Variants in C16orf96 observed in about 807,000 individuals in gnomAD.
C16orf96 encodes uncharacterized protein C16orf96.
A neutral mutation model predicts 103.6 loss-of-function variants in C16orf96; 108 were observed. The ratio of observed to expected loss-of-function variants is 1.04; its 90% confidence interval spans 0.89 to 1.22. The LOEUF (loss-of-function observed/expected upper bound fraction) is 1.22, where lower values mean the gene tolerates loss of function less well. C16orf96 is among the 50% of genes most tolerant of loss of function. The pLI is 0.00. For missense variants in C16orf96, 1,586 were observed against 1,464.2 expected, an observed-to-expected ratio of 1.08 and a Z score of -1.36; for synonymous variants, 566 against 593.5, an observed-to-expected ratio of 0.95 and a Z score of 0.67.
At chr16:4,560,215 T>G (rs1263059927) in intron 1 of C16orf96, 2 of 151,918 alleles carry the variant, frequency 1.3e-5, no homozygotes, top group African/African-American at 2.4e-5. Flanking sequence ...TATATGTTTG[T>G]TTTTGAGATG....
intron 15 of C16orf96, 109 bp from the exon 16 acceptor site, chr16:4,599,991 A>T: frequency 1.8e-6 from 2 of 1,129,108 alleles, no homozygotes; most frequent in Non-Finnish European, 2.5e-6. Flanking sequence ...CCTGTACAGC[A>T]CTTCTAGTCC....
intron 7 of C16orf96, among the ~76,000 whole-genome samples, chr16:4,582,186 G>T (rs2059596242): frequency 6.6e-6 from 1 of 152,090 alleles, no homozygotes; most frequent in Non-Finnish European, 1.5e-5. Flanking sequence ...GGTGGCTGAG[G>T]CAGGAGAATC....
Position 4,593,483 on chromosome 16 carries a change from G to A in C16orf96, c.2867+167G>A, listed in dbSNP as rs968935919. Among the ~76,000 whole-genome samples the A allele has an allele frequency of 5.3e-5, 8 of 150,932 alleles. No individual in the cohort carries two copies. The highest frequency in any genetic ancestry group is 7.4e-5 in the Non-Finnish European group (5 of 67,796). ...AGGCACTCCGAGAGGTGGCTGGGGC[G>A]GCAGACAGGCCCACGAGATGATGGC... is the stretch of plus-strand genomic sequence containing the variant. On this transcript the variant is annotated intron_variant, in intron 12 of 15. Coordinates refer to ENST00000444310, the MANE Select transcript of C16orf96 (RefSeq NM_001145011.2). The surrounding 1 kb of genome is among the most constrained non-coding windows in gnomAD (Gnocchi z 4.2).
At chr16:4,541,709 G>C in the C16orf96 span, among the ~76,000 whole-genome samples, 2 of 152,154 alleles carry the variant, frequency 1.3e-5, no homozygotes, top group African/African-American at 2.4e-5. Flanking sequence ...CAGAAGTGCT[G>C]TCTAGCATTC....
chr16:4,588,008 C>T (rs533668371), intron 8 of C16orf96, among the ~76,000 whole-genome samples, 159 bp from the exon 9 acceptor site: 34 of 152,272 alleles, frequency 2.2e-4, no homozygotes, highest in African/African-American at 7.0e-4. Flanking sequence ...ATCTCGAGAT[C>T]GTGTTTGAAT....
intron 11 of C16orf96, 84 bp downstream of exon 11, chr16:4,592,451 G>A (rs1222040921): frequency 1.6e-5 from 23 of 1,452,160 alleles, no homozygotes; most frequent in Non-Finnish European, 2.0e-5. Flanking sequence ...CATGTGCACC[G>A]TTCCATGCAC....
chr16:4,583,288 G>A (rs776307192), intron 7 of C16orf96, among the ~76,000 whole-genome samples: 4 of 151,850 alleles, frequency 2.6e-5, no homozygotes, highest in Non-Finnish European at 4.4e-5. Context: ...ATCCCTTGAG[G>A]CCAGGACTTC....
chr16:4,594,568 G>A (rs1416775778), intron 13 of C16orf96, 58 bp downstream of exon 13: 3 of 1,543,568 alleles, frequency 1.9e-6, no homozygotes, highest in Non-Finnish European at 2.6e-6. Context: ...CCCAGCCCCA[G>A]GTGTGGGACC....
the C16orf96 span, among the ~76,000 whole-genome samples, chr16:4,547,961 G>T: frequency 6.6e-6 from 1 of 151,918 alleles, no homozygotes; most frequent in Non-Finnish European, 1.5e-5. Context: ...TTAGGGTAAT[G>T]AAATGTTCTA....
intron 14 of C16orf96, among the ~76,000 whole-genome samples, chr16:4,598,886 G>A (rs1031777155): frequency 6.6e-6 from 1 of 152,154 alleles, no homozygotes; most frequent in Admixed American, 6.5e-5. Context: ...GGGAGGTCAA[G>A]GTGGGAGGAT....
chr16:4,542,666 C>T, the C16orf96 span, among the ~76,000 whole-genome samples: 1 of 151,990 alleles, frequency 6.6e-6, no homozygotes, highest in Non-Finnish European at 1.5e-5. Flanking sequence ...GACATGGTGG[C>T]AGGCGCCTGT....
At position 4,575,877 on chromosome 16, in the gene C16orf96, T is replaced by C; in HGVS notation, c.1397T>C (p.Leu466Pro). 6.4e-7 allele frequency: 1 copy of C among 1,551,466 alleles called. No individual in the cohort carries two copies. The highest frequency in any genetic ancestry group is 8.7e-7 in the Non-Finnish European group (1 of 1,146,960). Residue 466 changes from leucine to proline, a missense_variant, in exon 5 of 16, where the codon CTA becomes CCA. Coordinates refer to ENST00000444310, the MANE Select transcript of C16orf96 (RefSeq NM_001145011.2). ...VKGEENDVPS[L>P]RGLRERARKD... ...GGGGAGGAAAATGATGTCCCCAGCC[T>C]AAGGGGCCTTCGGGAGAGGGCCCGC...
intron 9 of C16orf96, among the ~76,000 whole-genome samples, chr16:4,589,218 A>G (rs1897000553): frequency 6.6e-6 from 1 of 152,064 alleles, no homozygotes; most frequent in African/African-American, 2.4e-5. Flanking sequence ...TCCCACATTG[A>G]ATGGGACCAG....
the C16orf96 span, among the ~76,000 whole-genome samples, chr16:4,546,672 C>T: frequency 2.0e-5 from 3 of 152,006 alleles, no homozygotes; most frequent in Admixed American, 1.3e-4. Flanking sequence ...CACCGCGTTG[C>T]CCAGGCTGGC....
At chr16:4,580,989 T>C (rs2059578301) in intron 7 of C16orf96, among the ~76,000 whole-genome samples, 1 of 151,420 alleles carries the variant, frequency 6.6e-6, no homozygotes, top group African/African-American at 2.4e-5. Flanking sequence ...CTGGGCGTGG[T>C]GGCGCATGCC....
chr16:4,565,709 G>C (rs938994562), intron 1 of C16orf96, among the ~76,000 whole-genome samples: 2 of 152,104 alleles, frequency 1.3e-5, no homozygotes, highest in Admixed American at 1.3e-4. Context: ...GGCTGATCTC[G>C]AACTCCTGAC....
intron 7 of C16orf96, among the ~76,000 whole-genome samples, chr16:4,581,788 CA>C (rs966027298): frequency 7.4e-5 from 11 of 148,478 alleles, no homozygotes; most frequent in South Asian, 2.1e-4. Flanking sequence ...ACTGTCTCTA[CA>C]AAAAAAAAAT....
rs545575807 is a variant in C16orf96 at position 4,579,926 on chromosome 16, T to C, written c.2242-89T>C. The C allele has an allele frequency of 2.4e-5, 27 of 1,130,326 alleles. No homozygotes were observed. In the African/African-American group the frequency reaches 4.2e-4, roughly 18 times the overall value. The allele number at this position is 1,130,326 out of a possible 1,614,324, so 70.0% of individuals were successfully genotyped here. Reference sequence around the variant, plus strand: ...ACGCCCAGCCTGGTCTGGTACATTCTTCTTGGCCTCAACCCTCCCTCAGGC... The same window carrying C: ...ACGCCCAGCCTGGTCTGGTACATTCCTCTTGGCCTCAACCCTCCCTCAGGC... On this transcript the variant is annotated intron_variant, in intron 6 of 15. Coordinates refer to ENST00000444310, the MANE Select transcript of C16orf96 (RefSeq NM_001145011.2).
chr16:4,540,100 G>C, the C16orf96 span, among the ~76,000 whole-genome samples: 2 of 152,112 alleles, frequency 1.3e-5, no homozygotes, highest in African/African-American at 4.8e-5. Context: ...TGATACATTG[G>C]CTCTATCTGG....
Sources: gnomAD v4.1 joint callset for allele counts (sites outside exome capture counted in the v4.1 genomes callset) on GRCh38, gnomAD v4.1.1 for gene constraint, Gnocchi (gnomAD v3.1) non-coding constraint, MANE v1.5 for transcripts, NCBI Gene and HGNC (gene_info 2026-07-23, HGNC 2026-07-21) for gene names.